Variants in RBFOX2 observed in about 807,000 individuals in gnomAD.
RBFOX2 encodes RNA binding protein fox-1 homolog 2.
Under a neutral mutation model 49.1 loss-of-function variants are expected in RBFOX2, and 10 were observed. That is an observed-to-expected ratio of 0.20 (90% CI 0.13 to 0.35). The LOEUF is 0.35. Ranked by LOEUF, RBFOX2 falls within the 10% of genes least tolerant of loss-of-function variation. RBFOX2 has a pLI of 1.00. For missense variants in RBFOX2, 323 were observed against 486.9 expected (o/e 0.66, Z 3.17); for synonymous variants, 183 against 187.4 (o/e 0.98, Z 0.19).
chr22:35,896,441 C>T (rs2047853377), intron 1 of RBFOX2, among the ~76,000 whole-genome samples: 1 of 152,190 alleles, frequency 6.6e-6, no homozygotes, highest in African/African-American at 2.4e-5. Context: ...TTTGGCTCCC[C>T]CTCAGACATG....
intron 2 of RBFOX2, among the ~76,000 whole-genome samples, chr22:35,794,794 TTCA>T (rs1290538275): frequency 1.3e-5 from 2 of 152,178 alleles, no homozygotes; most frequent in Non-Finnish European, 2.9e-5. Flanking sequence ...TCCTTACTAC[TTCA>T]TCATCCTTGC....
At chr22:35,912,887 T>C (rs770526824) in intron 1 of RBFOX2, among the ~76,000 whole-genome samples, 2 of 152,200 alleles carry the variant, frequency 1.3e-5, no homozygotes, top group Non-Finnish European at 2.9e-5. Context: ...AGCAGTGACC[T>C]TGAGCAAGTA....
chr22:35,970,376 T>C (rs1026780350), intron 1 of RBFOX2, among the ~76,000 whole-genome samples: 9 of 151,902 alleles, frequency 5.9e-5, no homozygotes, highest in African/African-American at 1.7e-4. Flanking sequence ...TGGCTGGGCA[T>C]AGTGACTTAT....
intron 2 of RBFOX2, among the ~76,000 whole-genome samples, chr22:35,799,605 A>T (rs1400555360): frequency 6.6e-6 from 1 of 152,202 alleles, no homozygotes; most frequent in Non-Finnish European, 1.5e-5. Context: ...CACAGCAACA[A>T]ACAGTACAAA....
At chr22:35,870,769 G>C (rs560430199) in intron 1 of RBFOX2, among the ~76,000 whole-genome samples, 14 of 152,214 alleles carry the variant, frequency 9.2e-5, no homozygotes, top group Non-Finnish European at 1.6e-4. Flanking sequence ...GCAGTCTAAT[G>C]AACTATATTC....
intron 1 of RBFOX2, among the ~76,000 whole-genome samples, chr22:35,822,151 A>G (rs557522634): frequency 6.6e-6 from 1 of 152,308 alleles, no homozygotes; most frequent in South Asian, 2.1e-4. Context: ...TTTTCTAGAG[A>G]ACACTAGCTA....
intron 1 of RBFOX2, among the ~76,000 whole-genome samples, chr22:35,907,313 C>T (rs535846617): frequency 3.7e-4 from 57 of 152,342 alleles, no homozygotes; most frequent in African/African-American, 1.3e-3. Context: ...AGAAATGTTA[C>T]ATGGAACTTC....
intron 11 of RBFOX2, 118 bp from the exon 14 acceptor site, chr22:35,744,367 G>C: frequency 2.1e-6 from 2 of 934,664 alleles, no homozygotes; most frequent in Non-Finnish European, 3.1e-6. Flanking sequence ...CAAAGCAACT[G>C]ATCAAGCATT....
At chr22:35,936,835 A>G (rs956128417) in intron 1 of RBFOX2, among the ~76,000 whole-genome samples, 3 of 152,234 alleles carry the variant, frequency 2.0e-5, no homozygotes, top group African/African-American at 7.2e-5. Flanking sequence ...TTATTGATCT[A>G]TAATCCCCAC....
At chr22:35,890,364 T>A (rs1463376992) in intron 1 of RBFOX2, among the ~76,000 whole-genome samples, 1 of 152,184 alleles carries the variant, frequency 6.6e-6, no homozygotes, top group African/African-American at 2.4e-5. Flanking sequence ...GAATTCTATA[T>A]ATACTACGAT....
chr22:35,817,169 T>A (rs1953284319), intron 1 of RBFOX2, among the ~76,000 whole-genome samples: 1 of 151,712 alleles, frequency 6.6e-6, no homozygotes, highest in Non-Finnish European at 1.5e-5. Flanking sequence ...AAGAACAGAG[T>A]CAGTTAAGAG....
intron 1 of RBFOX2, among the ~76,000 whole-genome samples, chr22:35,824,001 T>C (rs1955096250): frequency 6.6e-6 from 1 of 151,842 alleles, no homozygotes; most frequent in Non-Finnish European, 1.5e-5. Flanking sequence ...TACAAAAAAT[T>C]AGCCAGGTGT....
intron 1 of RBFOX2, among the ~76,000 whole-genome samples, chr22:35,862,934 T>G (rs1212151193): frequency 6.6e-6 from 1 of 152,200 alleles, no homozygotes; most frequent in East Asian, 1.9e-4. Flanking sequence ...GTCGTCGTCA[T>G]CATCATTATC....
chr22:35,804,416 T>C (rs1950321808), intron 2 of RBFOX2, among the ~76,000 whole-genome samples: 1 of 151,838 alleles, frequency 6.6e-6, no homozygotes, highest in Non-Finnish European at 1.5e-5. Flanking sequence ...CCAAGTATGA[T>C]AAAAACAAAG....
intron 1 of RBFOX2, chr22:35,997,578 G>T (rs1169534399): frequency 6.6e-6 from 1 of 152,204 alleles, no homozygotes; most frequent in Non-Finnish European, 1.5e-5. Context: ...AATTGCCAAA[G>T]AGAGCCACAG....
At chr22:35,744,076 T>C in exon 12 of RBFOX2, 1 of 755,034 alleles carries the variant, frequency 1.3e-6, no homozygotes, top group Non-Finnish European at 1.9e-6. Context: ...TCTTTTTTTG[T>C]GTTTTTTTTT....
At chr22:35,828,160 CA>C (rs201383680) in intron 1 of RBFOX2, among the ~76,000 whole-genome samples, 2,222 of 66,588 alleles carry the variant, frequency 0.033, 21 homozygotes, top group African/African-American at 0.074. Context: ...GAATCTGTCT[CA>C]AAAAAAAAAA....
chr22:35,848,048 T>C (rs2148937705), intron 1 of RBFOX2, among the ~76,000 whole-genome samples: 1 of 152,312 alleles, frequency 6.6e-6, no homozygotes, highest in South Asian at 2.1e-4. Context: ...TGTCTAATAC[T>C]TCAATTCACT....
At chr22:35,826,062 C>T (rs1456301951) in intron 1 of RBFOX2, among the ~76,000 whole-genome samples, 13 of 137,600 alleles carry the variant, frequency 9.4e-5, no homozygotes, top group Non-Finnish European at 7.8e-5. Context: ...AAAAAAAAAG[C>T]CGGGTGCAGC....
Sources: allele counts gnomAD v4.1 joint callset (sites outside exome capture counted in the v4.1 genomes callset), GRCh38; gene constraint gnomAD v4.1.1; transcripts MANE v1.5; gene names NCBI Gene and HGNC (gene_info 2026-07-23, HGNC 2026-07-21).